The following COL19A1 variants were observed in gnomAD, a reference collection of about 807,000 sequenced individuals.
COL19A1 encodes the protein collagen type XIX alpha 1 chain.
A neutral mutation model predicts 190.2 loss-of-function variants in COL19A1; 159 were observed. The observed-to-expected ratio is 0.84, with a 90% CI of 0.73 to 0.95. The LOEUF is 0.95. Among genes scored for constraint, COL19A1 ranks in the 40% least tolerant of loss-of-function variants. The pLI is 0.00. For missense variants in COL19A1, 1,418 were observed against 1,431.9 expected (o/e 0.99, Z 0.16); for synonymous variants, 509 against 458.9 (o/e 1.11, Z -1.39).
intron 4 of COL19A1, among the ~76,000 whole-genome samples, chr6:69,921,157 G>C (rs1487833580): frequency 8.1e-6 from 1 of 122,880 alleles, no homozygotes; most frequent in African/African-American, 3.1e-5. Flanking sequence ...TATGTATCAC[G>C]TATATATTCA....
At chr6:70,049,187 A>C (rs1157930802) in intron 14 of COL19A1, among the ~76,000 whole-genome samples, 3 of 151,942 alleles carry the variant, frequency 2.0e-5, no homozygotes, top group Non-Finnish European at 4.4e-5. Flanking sequence ...AAAGTTGCGT[A>C]ATTTGTATTT....
intron 2 of COL19A1, among the ~76,000 whole-genome samples, chr6:69,894,630 G>A (rs777805958): frequency 1.9e-4 from 29 of 152,288 alleles, no homozygotes; most frequent in Non-Finnish European, 3.1e-4. Flanking sequence ...AAACCCAGTC[G>A]CTGGGTGGGG....
At chr6:70,077,228 C>A (rs534797753) in intron 15 of COL19A1, among the ~76,000 whole-genome samples, 95 of 152,108 alleles carry the variant, frequency 6.2e-4, no homozygotes, top group African/African-American at 2.2e-3. Context: ...TTTTGTTTTT[C>A]TTATACATTA....
chr6:70,146,768 A>T lies in COL19A1; in HGVS notation c.1816-44A>T, dbSNP rs1157270745. 2.5e-6 allele frequency: 4 copies of T among 1,591,002 alleles called. No homozygotes were observed. The East Asian group carries it at 6.8e-5, about 27-fold the overall frequency. On this transcript the variant is annotated intron_variant, in intron 26 of 50. Coordinates refer to ENST00000620364, the MANE Select transcript of COL19A1 (RefSeq NM_001858.6). ...TTAACAAAATACAGCAGAAAAATGTATGTCTCTTGAGCCTTGCAGTAACAG... is the reference window on the plus strand; with the variant it reads ...TTAACAAAATACAGCAGAAAAATGTTTGTCTCTTGAGCCTTGCAGTAACAG...
At chr6:70,097,151 T>A (rs1783325610) in intron 15 of COL19A1, among the ~76,000 whole-genome samples, 1 of 152,040 alleles carries the variant, frequency 6.6e-6, no homozygotes, top group Admixed American at 6.6e-5. Flanking sequence ...TGTTTATAAA[T>A]CAAAAGTCTA....
At chr6:70,095,748 G>A (rs1296209112) in intron 15 of COL19A1, among the ~76,000 whole-genome samples, 1 of 151,826 alleles carries the variant, frequency 6.6e-6, no homozygotes, top group Non-Finnish European at 1.5e-5. Flanking sequence ...CTATGAATTT[G>A]GCTTCTTTAG....
At chr6:70,075,283 T>C (rs923380408) in intron 15 of COL19A1, among the ~76,000 whole-genome samples, 5 of 152,192 alleles carry the variant, frequency 3.3e-5, no homozygotes, top group Non-Finnish European at 7.3e-5. Context: ...CAAAACCAAA[T>C]ATGAAACTCG....
At chr6:70,171,109 C>CA (rs1765474775) in intron 40 of COL19A1, among the ~76,000 whole-genome samples, 2 of 152,124 alleles carry the variant, frequency 1.3e-5, no homozygotes, top group Admixed American at 1.3e-4. Flanking sequence ...TGAATATGGC[C>CA]AACACAAATT....
chr6:70,156,786 G>C lies in COL19A1; in HGVS notation c.2292+63G>C. 4 of 1,336,884 alleles carry C rather than the reference G, an allele frequency of 3.0e-6. No homozygotes were observed. The South Asian group carries it at 5.3e-5, about 18-fold the overall frequency. 82.8% of individuals were successfully genotyped at this position (1,336,884 alleles called of 1,614,324 possible). The stretch of plus-strand genomic sequence containing the variant: ...GATTCTCTTTACGTGGCTCAACAGA[G>C]TAAAAATGTTAATTTTTCTATAGCT... On this transcript the variant is annotated intron_variant, in intron 34 of 50. Coordinates refer to ENST00000620364, the MANE Select transcript of COL19A1 (RefSeq NM_001858.6).
intron 14 of COL19A1, among the ~76,000 whole-genome samples, chr6:70,055,542 G>A (rs189059640): frequency 9.4e-4 from 143 of 152,088 alleles, no homozygotes; most frequent in African/African-American, 3.3e-3. Flanking sequence ...AGCACCTTGG[G>A]GGGCTGAGGT....
intron 41 of COL19A1, among the ~76,000 whole-genome samples, chr6:70,173,873 G>C (rs886160811): frequency 7.2e-5 from 11 of 152,162 alleles, no homozygotes; most frequent in Non-Finnish European, 1.6e-4. Flanking sequence ...GAATGACTCA[G>C]TAGAGAGGGG....
chr6:70,141,141 T>C, intron 20 of COL19A1, 152 bp downstream of exon 20: 1 of 679,774 alleles, frequency 1.5e-6, no homozygotes, highest in Non-Finnish European at 2.4e-6. Flanking sequence ...TTAACTCTTT[T>C]ATTTTGATAA....
At chr6:70,185,866 G>A (rs897165683) in intron 46 of COL19A1, among the ~76,000 whole-genome samples, 3 of 152,024 alleles carry the variant, frequency 2.0e-5, no homozygotes, top group African/African-American at 7.2e-5. Context: ...AATAACTGAA[G>A]GAAATGTGAA....
At position 69,869,814 on chromosome 6, in the gene COL19A1, G is replaced by T. The variant is rs139951976; in HGVS notation, c.-33+3174G>T. Reference sequence around the variant, plus strand: ...TGAGAATGGAGAGAATAGGTTAAGTGTGCTCAAAGGGAATCCCAGGTTTGA... The same window carrying T: ...TGAGAATGGAGAGAATAGGTTAAGTTTGCTCAAAGGGAATCCCAGGTTTGA... On this transcript the variant is annotated intron_variant, in intron 1 of 50. Transcript: ENST00000620364. 1.3e-3 allele frequency among the ~76,000 whole-genome samples: 193 copies of T among 152,362 alleles called. 1 individual carries two copies. Among genetic ancestry groups the T allele is most frequent in the Middle Eastern group, 6.8e-3 (2 of 294 alleles).
At chr6:69,884,652 T>C (rs966338503) in intron 2 of COL19A1, among the ~76,000 whole-genome samples, 3 of 152,204 alleles carry the variant, frequency 2.0e-5, no homozygotes, top group African/African-American at 4.8e-5. Context: ...AGGACACTTG[T>C]GTTTTCTTTC....
At chr6:69,971,335 G>C (rs1775410299) in intron 11 of COL19A1, among the ~76,000 whole-genome samples, 1 of 152,028 alleles carries the variant, frequency 6.6e-6, no homozygotes, top group Non-Finnish European at 1.5e-5. Flanking sequence ...TGTGTCACTG[G>C]TGACTTTAGC....
At chr6:70,183,682 G>A (rs979019897) in intron 44 of COL19A1, among the ~76,000 whole-genome samples, 4 of 152,166 alleles carry the variant, frequency 2.6e-5, no homozygotes, top group African/African-American at 9.7e-5. Context: ...GGATGTTTCA[G>A]AAAGGTTGGC....
At chr6:70,149,796 A>C in intron 28 of COL19A1, 55 bp from the exon 29 acceptor site, 1 of 1,613,510 alleles carries the variant, frequency 6.2e-7, no homozygotes, top group Non-Finnish European at 8.5e-7. Context: ...ACTTGGGGGA[A>C]ATGACTGAAA....
intron 17 of COL19A1, 75 bp from the exon 18 acceptor site, chr6:70,130,107 T>C: frequency 6.6e-7 from 1 of 1,520,218 alleles, no homozygotes; most frequent in Non-Finnish European, 9.0e-7. Context: ...TCTGACTGCT[T>C]ATACTGTTAC....
Sources: gnomAD v4.1 joint callset for allele counts (sites outside exome capture counted in the v4.1 genomes callset) on GRCh38, gnomAD v4.1.1 for gene constraint, MANE v1.5 for transcripts, NCBI Gene and HGNC (gene_info 2026-07-23, HGNC 2026-07-21) for gene names.